Variants in ZFAT observed in about 807,000 individuals in gnomAD.
ZFAT encodes zinc finger protein ZFAT.
A neutral mutation model predicts 117.7 loss-of-function variants in ZFAT; 64 were observed. The observed-to-expected ratio is 0.54, with a 90% CI of 0.44 to 0.67. The LOEUF (loss-of-function observed/expected upper bound fraction) is 0.67, where lower values mean the gene tolerates loss of function less well. Ranked by LOEUF, ZFAT falls within the 30% of genes least tolerant of loss-of-function variation. ZFAT has a pLI of 0.00. For synonymous variants in ZFAT, 679 were observed against 615.0 expected, an observed-to-expected ratio of 1.10 and a Z score of -1.54; for missense variants, 1,433 against 1,584.5, an observed-to-expected ratio of 0.90 and a Z score of 1.62.
chr8:134,763,878 T>G, the ZFAT span, among the ~76,000 whole-genome samples: 1 of 152,348 alleles, frequency 6.6e-6, no homozygotes, highest in East Asian at 1.9e-4. Context: ...GTCTGTCTGA[T>G]TCTATTAAAC....
At position 134,679,933 on chromosome 8, in the gene ZFAT, T is replaced by G. The variant is rs1345231971; in HGVS notation, c.20-22196A>C. On this transcript the variant is annotated intron_variant, in intron 1 of 15. Coordinates refer to ENST00000377838, the MANE Select transcript of ZFAT (RefSeq NM_020863.4). ...GAAGGGAACATTACACACTGGGGCC[T>G]GTGGGGGGTTGGGGGTTGGGGAGGG... is the stretch of plus-strand genomic sequence containing the variant. Among the ~76,000 whole-genome samples the G allele has an allele frequency of 7.4e-5, 7 of 94,756 alleles. No individual in the cohort carries two copies. In the East Asian group the frequency reaches 1.3e-3, roughly 18 times the overall value. The allele number at this position is 94,756 out of a possible 152,430, so 62.2% of individuals were successfully genotyped here.
intron 1 of ZFAT, among the ~76,000 whole-genome samples, chr8:134,668,175 C>A (rs1265546205): frequency 6.6e-6 from 1 of 152,240 alleles, no homozygotes; most frequent in South Asian, 2.1e-4. Context: ...GACTCCACCT[C>A]TGGGGGCAGG....
At chr8:134,590,721 CCACCACCACCAA>C (rs1826429860) in intron 7 of ZFAT, among the ~76,000 whole-genome samples, 4 of 116,956 alleles carry the variant, frequency 3.4e-5, no homozygotes, top group Admixed American at 2.1e-4. Flanking sequence ...ATCACCATTA[CCACCACCACCAA>C]CACCACCACC....
At chr8:134,699,267 A>G (rs913437839) in intron 1 of ZFAT, among the ~76,000 whole-genome samples, 3 of 152,168 alleles carry the variant, frequency 2.0e-5, no homozygotes, top group Non-Finnish European at 2.9e-5. Flanking sequence ...GCTTCTATCA[A>G]TCTCTAAGGA....
chr8:134,505,650 C>T (rs925603125), intron 15 of ZFAT, among the ~76,000 whole-genome samples: 4 of 152,074 alleles, frequency 2.6e-5, no homozygotes, highest in Admixed American at 1.3e-4. Context: ...CAGACCTTAG[C>T]CTGCCGTTGC....
At chr8:134,524,085 T>C (rs1315351521) in intron 12 of ZFAT, among the ~76,000 whole-genome samples, 1 of 152,210 alleles carries the variant, frequency 6.6e-6, no homozygotes, top group East Asian at 1.9e-4. Context: ...CGTCACTGAC[T>C]CTGGGTCTTG....
chr8:134,666,421 T>G (rs539632458), intron 1 of ZFAT, among the ~76,000 whole-genome samples: 41 of 152,264 alleles, frequency 2.7e-4, no homozygotes, highest in African/African-American at 9.9e-4. Context: ...TCCTCGTGAT[T>G]TTCCAAGAAC....
chr8:134,492,545 C>T (rs1818124415), intron 15 of ZFAT, among the ~76,000 whole-genome samples: 2 of 152,168 alleles, frequency 1.3e-5, no homozygotes, highest in South Asian at 4.1e-4. Flanking sequence ...GGGAAGAAGC[C>T]TTATTTTTTC....
chr8:134,804,778 T>C, the ZFAT span: 2 of 481,958 alleles, frequency 4.1e-6, no homozygotes, highest in South Asian at 3.1e-5. Context: ...AGTAAAAGAA[T>C]GCAGCTAAAG....
chr8:134,678,166 T>C lies in ZFAT; in HGVS notation c.20-20429A>G, dbSNP rs1163036052. ...AAAGAGGAAGTCAAATTGTCTCTGT[T>C]TGCAGAAGACATGATTGTATATTTA... On this transcript the variant is annotated intron_variant, in intron 1 of 15. Coordinates refer to ENST00000377838, the MANE Select transcript of ZFAT (RefSeq NM_020863.4). Among the ~76,000 whole-genome samples the C allele has an allele frequency of 1.6e-4, 25 of 152,206 alleles. 1 individual carries two copies. The highest frequency in any genetic ancestry group is 1.4e-3 in the Admixed American group (21 of 15,286).
intron 8 of ZFAT, among the ~76,000 whole-genome samples, chr8:134,589,720 T>G (rs1268310065): frequency 1.3e-5 from 2 of 152,166 alleles, no homozygotes; most frequent in Non-Finnish European, 2.9e-5. Context: ...GGCAGGGCTC[T>G]GAGGAAGAAT....
At chr8:134,702,797 G>A (rs541959602) in intron 1 of ZFAT, among the ~76,000 whole-genome samples, 8 of 151,600 alleles carry the variant, frequency 5.3e-5, no homozygotes, top group South Asian at 2.1e-4. Context: ...TCAGCCTCCC[G>A]AGTAGCTGGG....
At chr8:134,801,836 CATA>C in the ZFAT span, among the ~76,000 whole-genome samples, 1 of 152,078 alleles carries the variant, frequency 6.6e-6, no homozygotes, top group Admixed American at 6.6e-5. Context: ...ATTAATTGGG[CATA>C]ATATCTAGCA....
intron 15 of ZFAT, among the ~76,000 whole-genome samples, chr8:134,483,101 GA>G (rs1817433197): frequency 6.6e-6 from 1 of 152,190 alleles, no homozygotes; most frequent in Non-Finnish European, 1.5e-5. Context: ...CATGGTATAT[GA>G]TCACACTCTG....
At chr8:134,785,702 A>C in the ZFAT span, 1 of 143,340 alleles carries the variant, frequency 7.0e-6, no homozygotes, top group Non-Finnish European at 1.6e-5. Flanking sequence ...TCCTGGCATC[A>C]CAAGGGCTGT....
At position 134,680,486 on chromosome 8, in the gene ZFAT, T is replaced by TA. The variant is rs533228761; in HGVS notation, c.20-22750dup. The stretch of plus-strand genomic sequence containing the variant: ...AATTAACATATTTGAGTACCTTTTT[T>TA]AAAAAAAATGAGGGATGGTAAAAGG... On this transcript the variant is annotated intron_variant, in intron 1 of 15. Coordinates refer to ENST00000377838, the MANE Select transcript of ZFAT (RefSeq NM_020863.4). 1.3e-3 allele frequency among the ~76,000 whole-genome samples: 194 copies of TA among 151,938 alleles called. 3 individuals carry two copies. The highest frequency in any genetic ancestry group is 3.7e-4 in the Non-Finnish European group (25 of 67,938).
intron 15 of ZFAT, among the ~76,000 whole-genome samples, chr8:134,500,009 C>T (rs554818782): frequency 6.6e-5 from 10 of 152,318 alleles, no homozygotes; most frequent in Middle Eastern, 6.8e-3. Flanking sequence ...GAATGAAAAA[C>T]AAGGGCCAGC....
intron 1 of ZFAT, among the ~76,000 whole-genome samples, chr8:134,688,914 G>A (rs910042798): frequency 6.6e-6 from 1 of 152,120 alleles, no homozygotes; most frequent in Non-Finnish European, 1.5e-5. Flanking sequence ...TCTGCTTCCT[G>A]GGGTTTTCAA....
intron 11 of ZFAT, among the ~76,000 whole-genome samples, chr8:134,550,254 A>G (rs1823030886): frequency 6.7e-6 from 1 of 149,118 alleles, no homozygotes; most frequent in Non-Finnish European, 1.5e-5. Flanking sequence ...TTCAGGATTT[A>G]TAAACCTGAG....
Sources: allele counts gnomAD v4.1 joint callset (sites outside exome capture counted in the v4.1 genomes callset), GRCh38; gene constraint gnomAD v4.1.1; transcripts MANE v1.5; gene names NCBI Gene and HGNC (gene_info 2026-07-23, HGNC 2026-07-21).